The following AFDN variants were observed in gnomAD, a reference collection of about 807,000 sequenced individuals.
The protein encoded by AFDN is afadin.
A neutral mutation model predicts 216.6 loss-of-function variants in AFDN; 68 were observed. That is an observed-to-expected ratio of 0.31 (90% CI 0.26 to 0.38). The LOEUF is 0.38. Among genes scored for constraint, AFDN ranks in the 10% least tolerant of loss-of-function variants. AFDN has a pLI of 1.00. For synonymous variants in AFDN, 868 were observed against 853.7 expected, an observed-to-expected ratio of 1.02 and a Z score of -0.29; for missense variants, 2,136 against 2,342.0, an observed-to-expected ratio of 0.91 and a Z score of 1.82.
intron 20 of AFDN, among the ~76,000 whole-genome samples, chr6:167,917,773 A>G (rs1791277997): frequency 6.6e-6 from 1 of 152,242 alleles, no homozygotes; most frequent in African/African-American, 2.4e-5. Flanking sequence ...CATTGAGTTT[A>G]TGCTAACAAG....
At chr6:167,844,735 A>G (rs552384838) in intron 1 of AFDN, among the ~76,000 whole-genome samples, 1 of 152,316 alleles carries the variant, frequency 6.6e-6, no homozygotes, top group African/African-American at 2.4e-5. Flanking sequence ...CCTTTACCTA[A>G]CACTGCATAT....
intron 23 of AFDN, among the ~76,000 whole-genome samples, chr6:167,929,321 T>C (rs1471422696): frequency 6.6e-6 from 1 of 152,276 alleles, no homozygotes; most frequent in Non-Finnish European, 1.5e-5. Flanking sequence ...ATAGTACTTC[T>C]AACTGGGTTG....
intron 1 of AFDN, among the ~76,000 whole-genome samples, chr6:167,839,604 CT>C (rs1400937266): frequency 2.6e-5 from 4 of 152,268 alleles, no homozygotes; most frequent in Non-Finnish European, 5.9e-5. Flanking sequence ...GTAACTGGCA[CT>C]GAGATCTGGG....
intron 1 of AFDN, among the ~76,000 whole-genome samples, chr6:167,847,548 T>C (rs977336622): frequency 6.6e-6 from 1 of 152,312 alleles, no homozygotes; most frequent in East Asian, 1.9e-4. Context: ...ATTGCTAATG[T>C]CCACAGCCTG....
chr6:167,856,437 G>A (rs1265056085), intron 1 of AFDN, among the ~76,000 whole-genome samples: 1 of 152,030 alleles, frequency 6.6e-6, no homozygotes, highest in Non-Finnish European at 1.5e-5. Context: ...TGGTTGGAAG[G>A]CTTTGAACTA....
In AFDN at chr6:167,962,878, C is replaced by T; in HGVS notation, c.4968+311C>T. 1 of 1,186,682 alleles carries T rather than the reference C, an allele frequency of 8.4e-7. No individual in the cohort carries two copies. Among genetic ancestry groups the T allele is most frequent in the South Asian group, 3.1e-5 (1 of 31,968 alleles). The allele number at this position is 1,186,682 out of a possible 1,614,324, so 73.5% of individuals were successfully genotyped here. A position where few individuals can be genotyped will look rare whatever the true frequency, so the allele number is the denominator to read the frequency against. On this transcript the variant is annotated intron_variant, in intron 31 of 33. Coordinates refer to ENST00000683244, the MANE Select transcript of AFDN (RefSeq NM_001386888.1). This position sits in a 1 kb window ranked among gnomAD's most constrained non-coding sequence, Gnocchi z 5.2. The stretch of plus-strand genomic sequence containing the variant: ...TCCTCGGGCACTCATCTTTACTGAA[C>T]ATGGCCCAGCTTGTCATTGTGAAGG...
intron 23 of AFDN, among the ~76,000 whole-genome samples, chr6:167,930,859 A>G (rs1793198175): frequency 6.6e-6 from 1 of 152,216 alleles, no homozygotes; most frequent in East Asian, 1.9e-4. Flanking sequence ...TAAATGAGGC[A>G]TGATATGATT....
chr6:167,838,287 C>T (rs767045920), intron 1 of AFDN, among the ~76,000 whole-genome samples: 23 of 150,506 alleles, frequency 1.5e-4, no homozygotes, highest in Non-Finnish European at 2.7e-4. Flanking sequence ...TGTGACGCTG[C>T]GCTTGTGGAG....
At position 167,950,316 on chromosome 6, in the gene AFDN, C is replaced by T. The variant is rs115012109; in HGVS notation, c.3832-870C>T. Among the ~76,000 whole-genome samples, 1,156 of 152,222 alleles carry T rather than the reference C, an allele frequency of 7.6e-3. 16 individuals carry two copies. The highest frequency in any genetic ancestry group is 0.026 in the African/African-American group (1,090 of 41,544). On this transcript the variant is annotated intron_variant, in intron 29 of 33. Transcript: ENST00000683244. ...CAGACCTCATAGTGATCATGTTTAT[C>T]TGAGTAGACTCCTTTCATATGTGCC...
chr6:167,899,191 T>A (rs922098972), intron 11 of AFDN, among the ~76,000 whole-genome samples: 1 of 152,088 alleles, frequency 6.6e-6, no homozygotes, highest in Admixed American at 6.5e-5. Context: ...CCTTACACAT[T>A]GGGCCACATA....
At chr6:167,826,736 G>C (rs1779086437), upstream of AFDN, 5 of 384,812 alleles carry the variant, frequency 1.3e-5, no homozygotes, top group Non-Finnish European at 2.1e-5. Context: ...CTAGCACCGC[G>C]CGGGGCCCGC....
chr6:167,966,517 C>A (rs1047829291), intron 32 of AFDN, among the ~76,000 whole-genome samples: 6 of 152,188 alleles, frequency 3.9e-5, no homozygotes, highest in Non-Finnish European at 8.8e-5. Context: ...AGTTCCATTT[C>A]TTTGATCAGC....
chr6:167,935,284 G>A (rs1285153422), intron 23 of AFDN, among the ~76,000 whole-genome samples: 1 of 152,026 alleles, frequency 6.6e-6, no homozygotes, highest in Non-Finnish European at 1.5e-5. Context: ...TCCTTTTTGC[G>A]TGTTTTTTAA....
At position 167,896,872 on chromosome 6, in the gene AFDN, T is replaced by C; in HGVS notation, c.1223-6T>C. On this transcript the variant is annotated splice_polypyrimidine_tract_variant and splice_region_variant and intron_variant, in intron 9 of 33. Transcript: ENST00000683244. The stretch of plus-strand genomic sequence containing the variant: ...AAATAGAGCTGTCTTCCTTCTCTTC[T>C]CACAGATGGTTCTGACTCTAGAGAT... 6.3e-7 allele frequency: 1 copy of C among 1,591,518 alleles called. No homozygotes were observed. The highest frequency in any genetic ancestry group is 8.6e-7 in the Non-Finnish European group (1 of 1,160,484).
intron 1 of AFDN, among the ~76,000 whole-genome samples, chr6:167,854,898 G>T (rs969161615): frequency 6.6e-6 from 1 of 150,548 alleles, no homozygotes; most frequent in African/African-American, 2.4e-5. Context: ...TTAGTTCCAG[G>T]AAAAAAAGAA....
In AFDN at chr6:167,924,047, G is replaced by A. The variant is rs116563196; in HGVS notation, c.3013-958G>A. ...TTCTAGGTAGATTCACTCATTCCTC[G>A]TCTTTTTAGTTTATTCTAAGATTCC... On this transcript the variant is annotated intron_variant, in intron 22 of 33. Transcript: ENST00000683244. Among the ~76,000 whole-genome samples the A allele has an allele frequency of 7.2e-3, 1,096 of 151,394 alleles. 16 individuals are homozygous for A. Among genetic ancestry groups the A allele is most frequent in the African/African-American group, 0.025 (1,026 of 41,222 alleles).
At chr6:167,869,508 AAGG>A (rs1357895038) in intron 2 of AFDN, among the ~76,000 whole-genome samples, 4 of 152,340 alleles carry the variant, frequency 2.6e-5, no homozygotes, top group African/African-American at 9.6e-5. Flanking sequence ...TCCGAGCGAC[AAGG>A]AGAATTCCTG....
Position 167,948,303 on chromosome 6 carries a change from C to G in AFDN, c.3656C>G (p.Pro1219Arg). ...CTTCACATTTTACAGGAGCAGACGC[C>G]TCCGCCTAGACCTGAAGCCTACCCC... The part of the protein sequence containing the change: ...TGNLCTEEQT[P>R]PPRPEAYPIP... Residue 1219 changes from proline (P) to arginine (R), a missense_variant, in exon 29 of 34, where the codon CCT becomes CGT. This residue lies in a region of AFDN where 981 missense variants were observed against 966.0 expected (regional missense o/e 1.02). Transcript: ENST00000683244. 6.2e-7 allele frequency: 1 copy of G among 1,611,566 alleles called. No individual in the cohort carries two copies.
chr6:167,958,196 G>A (rs1583053177), intron 30 of AFDN, among the ~76,000 whole-genome samples: 1 of 152,178 alleles, frequency 6.6e-6, no homozygotes, highest in Admixed American at 6.5e-5. Context: ...TATATATAGT[G>A]TATATGAAAC....
Sources: allele counts gnomAD v4.1 joint callset (sites outside exome capture counted in the v4.1 genomes callset), GRCh38; gene constraint gnomAD v4.1.1; regional missense constraint gnomAD v4.1.1; non-coding constraint Gnocchi (gnomAD v3.1); transcripts MANE v1.5; gene names NCBI Gene and HGNC (gene_info 2026-07-23, HGNC 2026-07-21).